Variants in S100A9 observed in about 807,000 individuals in gnomAD.
The protein encoded by S100A9 is protein S100-A9.
In S100A9, 2 loss-of-function variants were observed where a neutral mutation model predicts 4.3. The observed-to-expected ratio is 0.47, with a 90% confidence interval of 0.19 to 1.48. The LOEUF is 1.48. Ranked by LOEUF, S100A9 falls within the 40% of genes most tolerant of loss-of-function variation. The pLI is 0.24. For synonymous variants in S100A9, 67 were observed against 54.0 expected, an observed-to-expected ratio of 1.24 and a Z score of -1.06; for missense variants, 130 against 144.4, an observed-to-expected ratio of 0.90 and a Z score of 0.51.
chr1:153,359,418 A>G (rs554223892), intron 2 of S100A9, among the ~76,000 whole-genome samples: 13 of 152,206 alleles, frequency 8.5e-5, no homozygotes, highest in African/African-American at 3.1e-4. Flanking sequence ...CGCATGGCAA[A>G]ACTATCCTCC....
intron 2 of S100A9, among the ~76,000 whole-genome samples, chr1:153,359,483 AAGCGATGCTGTGGGAAAGGAAGCAG>A (rs1446116381): frequency 6.6e-6 from 1 of 151,874 alleles, no homozygotes; most frequent in African/African-American, 2.4e-5. Flanking sequence ...ACCAGAAGCA[AAGCGATGCTGTGGGAAAGGAAGCAG>A]AGCCTCATGG....
intron 2 of S100A9, 88 bp from the exon 3 acceptor site, chr1:153,360,556 G>A (rs1443443133): frequency 3.1e-5 from 27 of 863,416 alleles, no homozygotes; most frequent in South Asian, 2.1e-4. Context: ...GGCTTCCCTT[G>A]TACATTTGCC....
rs190258899 is a variant in S100A9 at position 153,360,700 on chromosome 1, T to C, written c.207T>C (p.Asn69=). The C allele has an allele frequency of 2.7e-5, 43 of 1,614,016 alleles. No individual in the cohort carries two copies. The Admixed American group carries it at 6.2e-4, about 23-fold the overall frequency. The part of the protein sequence containing the change: ...IEHIMEDLDT[N]ADKQLSFEEF... ...ACATCATGGAGGACCTGGACACAAA[T>C]GCAGACAAGCAGCTGAGCTTCGAGG... Residue 69 remains asparagine, a synonymous_variant, in exon 3 of 3, where the codon AAT becomes AAC. Transcript: ENST00000368738.
At chr1:153,358,721 G>A (rs1266651699) in intron 2 of S100A9, among the ~76,000 whole-genome samples, 1 of 152,210 alleles carries the variant, frequency 6.6e-6, no homozygotes, top group Non-Finnish European at 1.5e-5. Flanking sequence ...GAGACACACA[G>A]TAAAGTTGTT....
At chr1:153,359,845 T>A (rs974376065) in intron 2 of S100A9, among the ~76,000 whole-genome samples, 5 of 152,016 alleles carry the variant, frequency 3.3e-5, no homozygotes, top group African/African-American at 7.2e-5. Context: ...TGCACCACCA[T>A]GCCTGGCTAA....
chr1:153,360,594 C>T lies in S100A9; in HGVS notation c.151-50C>T, dbSNP rs747442249. ...CTGGTCATTTACTGTGCTCCCAGTC[C>T]CCACCTCTGGCCACACCCAGCTCTC... On this transcript the variant is annotated intron_variant, in intron 2 of 2. Coordinates refer to ENST00000368738, the MANE Select transcript of S100A9 (RefSeq NM_002965.4). 3.1e-6 allele frequency: 4 copies of T among 1,303,750 alleles called. No individual in the cohort carries two copies. The African/African-American group carries it at 4.4e-5, about 14-fold the overall frequency. The allele number at this position is 1,303,750 out of a possible 1,614,324, so 80.8% of individuals were successfully genotyped here.
intron 2 of S100A9, among the ~76,000 whole-genome samples, 173 bp from the exon 3 acceptor site, chr1:153,360,471 T>C (rs1661426839): frequency 6.6e-6 from 1 of 152,292 alleles, no homozygotes; most frequent in Non-Finnish European, 1.5e-5. Flanking sequence ...GCGTTTGGTA[T>C]GTGCTCAGTG....
chr1:153,360,683 G>C lies in S100A9; in HGVS notation c.190G>C (p.Glu64Gln). The C allele has an allele frequency of 6.2e-7, 1 of 1,613,956 alleles. No homozygotes were observed. The highest frequency in any genetic ancestry group is 8.5e-7 in the Non-Finnish European group (1 of 1,179,884). ...TGAAAAGGTCATAGAACACATCATG[G>C]AGGACCTGGACACAAATGCAGACAA... ...KNEKVIEHIM[E>Q]DLDTNADKQL... The change falls in exon 3 of 3, where the codon GAG becomes CAG. Residue 64 changes from glutamate to glutamine, a missense_variant. Transcript: ENST00000368738.
intron 2 of S100A9, among the ~76,000 whole-genome samples, chr1:153,359,631 T>C (rs1269051492): frequency 4.6e-5 from 7 of 150,914 alleles, no homozygotes; most frequent in Non-Finnish European, 1.0e-4. Flanking sequence ...ACCAGTGCTC[T>C]CTTGGACCCC....
chr1:153,358,894 G>T (rs1337162231), intron 2 of S100A9, among the ~76,000 whole-genome samples: 1 of 152,114 alleles, frequency 6.6e-6, no homozygotes, highest in Non-Finnish European at 1.5e-5. Context: ...AGCCCCGAAT[G>T]TTGGGGAGGG....
chr1:153,359,655 T>A (rs1661412004), intron 2 of S100A9, among the ~76,000 whole-genome samples: 1 of 150,048 alleles, frequency 6.7e-6, no homozygotes, highest in Non-Finnish European at 1.5e-5. Context: ...TGGGTCTGGG[T>A]CTTCCACCTC....
chr1:153,358,234 C>T lies in S100A9; in HGVS notation c.-15-35C>T. On this transcript the variant is annotated intron_variant, in intron 1 of 2. Transcript: ENST00000368738. ...CAAAGAAGCTTGACAGCATTTTCTT[C>T]TAAGTGTCCCAACTCTTGGTTTTCC... The T allele has an allele frequency of 6.3e-6, 9 of 1,438,440 alleles. No individual in the cohort carries two copies. In the Middle Eastern group the frequency reaches 1.7e-3, roughly 267 times the overall value. The allele number at this position is 1,438,440 out of a possible 1,614,324, so 89.1% of individuals were successfully genotyped here.
chr1:153,359,156 A>G (rs919022167), intron 2 of S100A9, among the ~76,000 whole-genome samples: 8 of 152,054 alleles, frequency 5.3e-5, no homozygotes, highest in Non-Finnish European at 1.0e-4. Context: ...TTCTTTTCAA[A>G]TTTGGGGAAA....
intron 1 of S100A9, 101 bp from the exon 2 acceptor site, chr1:153,358,168 C>A: frequency 2.8e-6 from 2 of 709,698 alleles, no homozygotes; most frequent in Non-Finnish European, 4.6e-6. Flanking sequence ...TTTTATTTTG[C>A]ACTTCCCCCA....
chr1:153,359,940 C>T (rs1283618680), intron 2 of S100A9, among the ~76,000 whole-genome samples: 2 of 151,990 alleles, frequency 1.3e-5, no homozygotes, highest in African/African-American at 4.8e-5. Context: ...CTGCCTGCCT[C>T]GGCCTCCCAA....
intron 1 of S100A9, 126 bp from the exon 2 acceptor site, chr1:153,358,143 C>T: frequency 1.7e-6 from 1 of 573,570 alleles, no homozygotes; most frequent in Non-Finnish European, 3.1e-6. Flanking sequence ...AGTTAAGTTG[C>T]AGCCTGTGCT....
In S100A9 at chr1:153,359,850, G is replaced by A. The variant is rs142932644; in HGVS notation, c.151-794G>A. Among the ~76,000 whole-genome samples the A allele has an allele frequency of 6.9e-3, 1,055 of 151,994 alleles. 16 individuals are homozygous for A. Among genetic ancestry groups the A allele is most frequent in the African/African-American group, 0.024 (1,002 of 41,464 alleles). Reference sequence around the variant, plus strand: ...ATTACAGGCATGCACCACCATGCCTGGCTAATTTTGTTATTTTTTGTAGAG... The same window carrying A: ...ATTACAGGCATGCACCACCATGCCTAGCTAATTTTGTTATTTTTTGTAGAG... On this transcript the variant is annotated intron_variant, in intron 2 of 2. Coordinates refer to ENST00000368738, the MANE Select transcript of S100A9 (RefSeq NM_002965.4).
intron 2 of S100A9, among the ~76,000 whole-genome samples, chr1:153,359,746 C>T (rs531861570): frequency 2.1e-5 from 3 of 143,672 alleles, no homozygotes; most frequent in South Asian, 4.4e-4. Flanking sequence ...TGGAGTGCAA[C>T]GGCACAATCT....
Position 153,360,956 on chromosome 1 carries a change from G to A in S100A9, c.*118G>A. The A allele has an allele frequency of 1.3e-6, 1 of 750,264 alleles. No homozygotes were observed. The highest frequency in any genetic ancestry group is 1.9e-5 in the South Asian group (1 of 53,054). The allele number at this position is 750,264 out of a possible 1,614,324, so 46.5% of individuals were successfully genotyped here. On this transcript the variant is annotated 3_prime_UTR_variant, in exon 3 of 3. Transcript: ENST00000368738. ...GCCTCTACCCAACCAGGGCCCCGGGGCCTGTTATGTCAAACTGTCTTGGCT... is the reference window on the plus strand; with the variant it reads ...GCCTCTACCCAACCAGGGCCCCGGGACCTGTTATGTCAAACTGTCTTGGCT...
Sources: gnomAD v4.1 joint callset for allele counts (sites outside exome capture counted in the v4.1 genomes callset) on GRCh38, gnomAD v4.1.1 for gene constraint, MANE v1.5 for transcripts, NCBI Gene and HGNC (gene_info 2026-07-23, HGNC 2026-07-21) for gene names.